Variants in WDFY4 observed in about 807,000 individuals in gnomAD.
WDFY4 encodes WDFY family member 4.
A neutral mutation model predicts 351.9 loss-of-function variants in WDFY4; 169 were observed. The ratio of observed to expected loss-of-function variants is 0.48; its 90% CI spans 0.42 to 0.55. The LOEUF (loss-of-function observed/expected upper bound fraction) is 0.55, where lower values mean the gene tolerates loss of function less well. WDFY4 is among the 20% of genes least tolerant of loss of function. WDFY4 has a pLI of 0.00. For synonymous variants in WDFY4, 1,622 were observed against 1,574.6 expected (o/e 1.03, Z -0.71); for missense variants, 3,803 against 3,935.6 (o/e 0.97, Z 0.90).
chr10:48,758,788 A>G (rs2065409842), intron 12 of WDFY4, among the ~76,000 whole-genome samples: 1 of 151,820 alleles, frequency 6.6e-6, no homozygotes, highest in South Asian at 2.1e-4. Flanking sequence ...TCTGTTTTTC[A>G]TTTATTTGAA....
chr10:48,711,808 G>A (rs1346313540), intron 2 of WDFY4, among the ~76,000 whole-genome samples: 2 of 152,186 alleles, frequency 1.3e-5, no homozygotes, highest in African/African-American at 2.4e-5. Flanking sequence ...GAATGAACTA[G>A]TGGCCATTTT....
intron 44 of WDFY4, among the ~76,000 whole-genome samples, chr10:48,894,673 C>T (rs12248870): frequency 0.013 from 1,984 of 152,292 alleles, 35 homozygotes; most frequent in African/African-American, 0.045. Context: ...CAAAGACCTG[C>T]GCCTTGTAGG....
rs1046803716 is a variant in WDFY4 at position 48,900,213 on chromosome 10, C to T, written c.7438-8C>T. 1 of 1,550,710 alleles carries T rather than the reference C, an allele frequency of 6.4e-7. No individual in the cohort carries two copies. The highest frequency in any genetic ancestry group is 2.0e-5 in the Admixed American group (1 of 50,802). On this transcript the variant is annotated splice_polypyrimidine_tract_variant and splice_region_variant and intron_variant, in intron 45 of 61. Coordinates refer to ENST00000325239, the MANE Select transcript of WDFY4 (RefSeq NM_001394531.1). ...ATCAGGAGCATTAAAAGGGGCTTCT[C>T]TTCACAGGACATCGCCCTGGAGATC...
chr10:48,818,204 G>A (rs1471481976), intron 32 of WDFY4, among the ~76,000 whole-genome samples: 1 of 152,208 alleles, frequency 6.6e-6, no homozygotes, highest in African/African-American at 2.4e-5. Context: ...AGCTAACCGT[G>A]TCTTCCTGCA....
chr10:48,901,693 G>T, intron 46 of WDFY4, 108 bp from the exon 47 acceptor site: 2 of 1,218,738 alleles, frequency 1.6e-6, no homozygotes, highest in Non-Finnish European at 1.2e-6. Context: ...ATGGAGCGAG[G>T]GGGAGCAATA....
chr10:48,943,520 G>T (rs1012843553), intron 49 of WDFY4, 71 bp downstream of exon 49: 12 of 1,476,226 alleles, frequency 8.1e-6, no homozygotes, highest in Admixed American at 4.3e-5. Flanking sequence ...CCCTAAGTCA[G>T]CATGCAGAGC....
intron 51 of WDFY4, among the ~76,000 whole-genome samples, chr10:48,948,109 C>A (rs1307221159): frequency 2.0e-5 from 3 of 152,218 alleles, no homozygotes; most frequent in Non-Finnish European, 4.4e-5. Context: ...AATGGGTAGG[C>A]AAGGTCAAGG....
At chr10:48,822,266 C>A in intron 34 of WDFY4, 114 bp from the exon 35 acceptor site, 1 of 1,179,310 alleles carries the variant, frequency 8.5e-7, no homozygotes. Flanking sequence ...TCTTTGGAAC[C>A]ATGGGGTACA....
chr10:48,828,569 A>G (rs2068080697), intron 36 of WDFY4, among the ~76,000 whole-genome samples: 1 of 152,202 alleles, frequency 6.6e-6, no homozygotes, highest in Non-Finnish European at 1.5e-5. Context: ...ATAAGGAGAA[A>G]GTGTTTCTCC....
At chr10:48,801,433 G>A in intron 24 of WDFY4, 3 of 449,356 alleles carry the variant, frequency 6.7e-6, no homozygotes, top group South Asian at 3.1e-5. Context: ...CCCAGGCCTG[G>A]CATATCATTT....
Position 48,820,246 on chromosome 10 carries a change from G to C in WDFY4, c.5518G>C (p.Glu1840Gln). The part of the protein sequence containing the change: ...PLGAQKGVGA[E>Q]STRNTSSPEA... The stretch of plus-strand genomic sequence containing the variant: ...TCTTGTCTTTGAGGGGGTTGGGGCT[G>C]AGTCCACCCGGAACACCAGCAGTCC... The change falls in exon 33 of 62, where the codon GAG becomes CAG. Residue 1840 changes from glutamate to glutamine, a missense_variant. Physicochemically the swap from Glu to Gln is conservative, Grantham distance 29 (BLOSUM62 2). Transcript: ENST00000325239. The C allele has an allele frequency of 6.4e-7, 1 of 1,551,694 alleles. No individual in the cohort carries two copies. Among genetic ancestry groups the C allele is most frequent in the Non-Finnish European group, 8.7e-7 (1 of 1,147,000 alleles).
intron 12 of WDFY4, among the ~76,000 whole-genome samples, chr10:48,749,766 G>C (rs182850613): frequency 6.6e-6 from 1 of 152,254 alleles, no homozygotes; most frequent in East Asian, 1.9e-4. Flanking sequence ...GGGTTATGAG[G>C]ACTGCTCTAC....
At chr10:48,830,363 C>T (rs964188410) in intron 37 of WDFY4, among the ~76,000 whole-genome samples, 1 of 152,122 alleles carries the variant, frequency 6.6e-6, no homozygotes, top group Admixed American at 6.5e-5. Flanking sequence ...CAAGGTGTCC[C>T]TCTGGTATCC....
intron 47 of WDFY4, among the ~76,000 whole-genome samples, chr10:48,904,754 C>T (rs1442500989): frequency 6.6e-6 from 1 of 152,184 alleles, no homozygotes; most frequent in African/African-American, 2.4e-5. Flanking sequence ...TAATTACATG[C>T]CCATCCCAGA....
Position 48,778,624 on chromosome 10 carries a change from G to A in WDFY4, c.3189G>A (p.Pro1063=), listed in dbSNP as rs749784981. ...SGGIGTGATR[P]FPPPGGLTFS... ...GTTCCCACCCAGGTGCCACCAGACC[G>A]TTCCCTCCTCCTGGAGGTCTGACCT... Residue 1063 remains proline, a synonymous_variant, in exon 18 of 62, where the codon CCG becomes CCA. Coordinates refer to ENST00000325239, the MANE Select transcript of WDFY4 (RefSeq NM_001394531.1). The A allele has an allele frequency of 3.6e-5, 56 of 1,550,952 alleles. 3 individuals are homozygous for A. Among genetic ancestry groups the A allele is most frequent in the South Asian group, 3.2e-4 (27 of 84,048 alleles).
At chr10:48,961,475 A>AACAC (rs1841857580) in intron 53 of WDFY4, among the ~76,000 whole-genome samples, 1 of 152,236 alleles carries the variant, frequency 6.6e-6, no homozygotes, top group South Asian at 2.1e-4. Flanking sequence ...GAAGCATGTG[A>AACAC]ACACCCAGAA....
At chr10:48,893,280 C>T (rs1485907265) in intron 44 of WDFY4, among the ~76,000 whole-genome samples, 1 of 152,220 alleles carries the variant, frequency 6.6e-6, no homozygotes, top group Non-Finnish European at 1.5e-5. Flanking sequence ...TTGGACCCAT[C>T]CCAATGGCTT....
intron 57 of WDFY4, among the ~76,000 whole-genome samples, chr10:48,973,573 G>A (rs371065424): frequency 2.6e-5 from 4 of 152,218 alleles, no homozygotes; most frequent in East Asian, 1.9e-4. Flanking sequence ...GGCCAATTAC[G>A]CTTCAGAATG....
chr10:48,763,658 A>G (rs1284972114), intron 13 of WDFY4, among the ~76,000 whole-genome samples: 1 of 152,238 alleles, frequency 6.6e-6, no homozygotes, highest in East Asian at 1.9e-4. Context: ...TATGACAGTA[A>G]TTGGACAAAT....
Sources: allele counts gnomAD v4.1 joint callset (sites outside exome capture counted in the v4.1 genomes callset), GRCh38; gene constraint gnomAD v4.1.1; transcripts MANE v1.5; gene names NCBI Gene and HGNC (gene_info 2026-07-23, HGNC 2026-07-21).